Variants in KIAA1755 observed in about 807,000 individuals in gnomAD.
The protein encoded by KIAA1755 is KIAA1755.
Under a neutral mutation model 91.7 loss-of-function variants are expected in KIAA1755, and 68 were observed. That is an observed-to-expected ratio of 0.74 (90% CI 0.61 to 0.91). KIAA1755 has a LOEUF of 0.91. Among genes scored for constraint, KIAA1755 ranks in the 40% least tolerant of loss-of-function variants. KIAA1755 has a pLI of 0.00. For missense variants in KIAA1755, 1,535 were observed against 1,494.4 expected, an observed-to-expected ratio of 1.03 and a Z score of -0.45; for synonymous variants, 610 against 604.6, an observed-to-expected ratio of 1.01 and a Z score of -0.13.
At chr20:38,246,755 G>A (rs780261972) in intron 1 of KIAA1755, among the ~76,000 whole-genome samples, 3 of 152,002 alleles carry the variant, frequency 2.0e-5, no homozygotes, top group African/African-American at 4.8e-5. Context: ...GCCACCAACC[G>A]CCAACATATC....
chr20:38,256,908 C>T (rs528120710), intron 1 of KIAA1755, among the ~76,000 whole-genome samples: 4 of 152,214 alleles, frequency 2.6e-5, no homozygotes, highest in Non-Finnish European at 4.4e-5. Context: ...AATTGTTCAT[C>T]TAAGTGCCAT....
Position 38,213,627 on chromosome 20 carries a change from T to C in KIAA1755, c.3018A>G (p.Ala1006=), listed in dbSNP as rs765492810. The change falls in exon 14 of 14, where the codon GCA becomes GCG. Residue 1006 remains alanine, a synonymous_variant. Coordinates refer to ENST00000279024, the MANE Select transcript of KIAA1755 (RefSeq NM_001029864.2). ...RRLHRYLQRL[A]SEFPAEKLAA... ...CGAGCTTCTCAGCAGGGAACTCAGA[T>C]GCCAGTCGCTGCAGGTAGCGGTGGA... 6.2e-7 allele frequency: 1 copy of C among 1,611,262 alleles called. No homozygotes were observed. The highest frequency in any genetic ancestry group is 1.1e-5 in the South Asian group (1 of 90,830).
chr20:38,234,914 A>T (rs2075931969), intron 4 of KIAA1755, among the ~76,000 whole-genome samples: 1 of 152,152 alleles, frequency 6.6e-6, no homozygotes, highest in African/African-American at 2.4e-5. Flanking sequence ...AGCATCTCAG[A>T]ACCGTGGCTT....
intron 1 of KIAA1755, among the ~76,000 whole-genome samples, chr20:38,256,963 GA>G (rs1263668250): frequency 1.3e-5 from 2 of 152,120 alleles, no homozygotes; most frequent in Non-Finnish European, 2.9e-5. Context: ...CCACATCTTG[GA>G]AAGTGCTGCC....
chr20:38,246,031 G>A lies in KIAA1755; in HGVS notation c.99C>T (p.Phe33=), dbSNP rs2076153363. ...ATAPTVLGQV[F]RLLDSGFQGD... is the part of the protein sequence containing the mutation. ...CCTGGAAGCCAGAGTCCAGGAGACG[G>A]AACACCTGACCCAGGACGGTGGGTG... Residue 33 remains phenylalanine, a synonymous_variant, in exon 2 of 14, where the codon TTC becomes TTT. Transcript: ENST00000279024. 1 of 1,614,178 alleles carries A rather than the reference G, an allele frequency of 6.2e-7. No homozygotes were observed. Among genetic ancestry groups the A allele is most frequent in the South Asian group, 1.1e-5 (1 of 91,078 alleles).
At chr20:38,257,036 C>T (rs1031296634) in intron 1 of KIAA1755, among the ~76,000 whole-genome samples, 5 of 152,128 alleles carry the variant, frequency 3.3e-5, no homozygotes, top group Admixed American at 1.3e-4. Flanking sequence ...AACCTCCTGC[C>T]CACCCTTCAG....
intron 2 of KIAA1755, 127 bp downstream of exon 2, chr20:38,245,802 G>T: frequency 1.3e-6 from 1 of 798,186 alleles, no homozygotes; most frequent in South Asian, 1.7e-5. Context: ...TACTTGGAAA[G>T]TCCCCCCACA....
intron 4 of KIAA1755, among the ~76,000 whole-genome samples, chr20:38,232,670 A>G (rs2075889958): frequency 6.6e-6 from 1 of 151,770 alleles, no homozygotes; most frequent in South Asian, 2.1e-4. Flanking sequence ...AAATGTGTAT[A>G]CATATATATC....
rs181893709 is a variant in KIAA1755, at chr20:38,219,558, C to T, written c.2556+72G>A. The T allele has an allele frequency of 4.1e-4, 646 of 1,583,712 alleles. 5 individuals carry two copies. In the African/African-American group the frequency reaches 8.1e-3, roughly 20 times the overall value. ...ACAAAGCACCTGACTAGGGACGGGC[C>T]CAGAGTCGGGGCTTTCCTGTGGAAT... On this transcript the variant is annotated intron_variant, in intron 11 of 13. Coordinates refer to ENST00000279024, the MANE Select transcript of KIAA1755 (RefSeq NM_001029864.2).
Position 38,217,777 on chromosome 20 carries a change from A to T in KIAA1755, c.2680-303T>A. 3 of 518,182 alleles carry T rather than the reference A, an allele frequency of 5.8e-6. No homozygotes were observed. The South Asian group carries it at 7.5e-5, about 13-fold the overall frequency. The allele number at this position is 518,182 out of a possible 1,614,324, so 32.1% of individuals were successfully genotyped here. On this transcript the variant is annotated intron_variant, in intron 12 of 13. Transcript: ENST00000279024. ...TTCTGGAAAACTTCTCTGACTCCAA[A>T]GGCTCCTGCTCTGAGTCCCCACATT... is the stretch of plus-strand genomic sequence containing the variant.
chr20:38,216,886 A>C, intron 13 of KIAA1755: 2 of 495,548 alleles, frequency 4.0e-6, no homozygotes. Flanking sequence ...TGGTGAAGGG[A>C]TCTGTCGTCA....
In KIAA1755 at chr20:38,240,634, G is replaced by C; in HGVS notation, c.1497C>G (p.Val499=). ...ASLQHNGPWK[V]LCSLYSPKPN... ...GTTTAGGAGAGTAGAGGGAACACAG[G>C]ACTTTCCAGGGCCCATTGTGCTGGA... The change falls in exon 3 of 14, where the codon GTC becomes GTG. Residue 499 remains valine (V), a synonymous_variant. Transcript: ENST00000279024. 1 of 1,517,310 alleles carries C rather than the reference G, an allele frequency of 6.6e-7. No homozygotes were observed. Among genetic ancestry groups the C allele is most frequent in the Non-Finnish European group, 8.8e-7 (1 of 1,134,208 alleles). 94.0% of individuals were successfully genotyped at this position (1,517,310 alleles called of 1,614,324 possible).
At chr20:38,244,284 G>C (rs1013899778) in intron 2 of KIAA1755, among the ~76,000 whole-genome samples, 1 of 152,190 alleles carries the variant, frequency 6.6e-6, no homozygotes, top group Non-Finnish European at 1.5e-5. Flanking sequence ...GGCTGCAAAT[G>C]CTTCCATGAG....
At chr20:38,222,682 C>A in intron 9 of KIAA1755, 85 bp from the exon 10 acceptor site, 1 of 1,435,094 alleles carries the variant, frequency 7.0e-7, no homozygotes, top group Non-Finnish European at 9.5e-7. Flanking sequence ...AGATCAAGTC[C>A]AACTCCCAGT....
Position 38,241,435 on chromosome 20 carries a change from ACTC to A in KIAA1755, c.693_695del (p.Gln231_Ser232delinsHis), listed in dbSNP as rs2076062263. On this transcript the variant is annotated inframe_deletion, in exon 3 of 14. Transcript: ENST00000279024. ...ATGTCCTGCCCTTACCCTTGGCCAAACTCTGGGCAGGAAGCACCTGGTTGTCTG... is the reference window on the plus strand; with the variant it reads ...ATGTCCTGCCCTTACCCTTGGCCAAATGGGCAGGAAGCACCTGGTTGTCTG... 7 of 1,613,988 alleles carry A rather than the reference ACTC, an allele frequency of 4.3e-6. No homozygotes were observed. The East Asian group carries it at 8.9e-5, about 21-fold the overall frequency.
chr20:38,247,592 G>A (rs1307038239), intron 1 of KIAA1755, among the ~76,000 whole-genome samples: 2 of 152,236 alleles, frequency 1.3e-5, no homozygotes, highest in Admixed American at 6.5e-5. Context: ...GTAATGGGTA[G>A]AATGACCTCC....
chr20:38,234,423 C>T (rs963598385), intron 4 of KIAA1755, among the ~76,000 whole-genome samples: 1 of 152,196 alleles, frequency 6.6e-6, no homozygotes, highest in Admixed American at 6.5e-5. Flanking sequence ...AGACTGAGAG[C>T]CCTTACGGGT....
chr20:38,217,405 C>T lies in KIAA1755; in HGVS notation c.2749G>A (p.Gly917Arg), dbSNP rs2075567802. 1.9e-6 allele frequency: 3 copies of T among 1,613,234 alleles called. No individual in the cohort carries two copies. Among genetic ancestry groups the T allele is most frequent in the African/African-American group, 1.3e-5 (1 of 74,928 alleles). The change falls in exon 13 of 14, where the codon GGG becomes AGG. Residue 917 changes from glycine to arginine, a missense_variant. Gly to Arg is a moderately radical substitution (Grantham distance 125). Coordinates refer to ENST00000279024, the MANE Select transcript of KIAA1755 (RefSeq NM_001029864.2). ...AQLGATARGAGEAERAEFPEL... is the reference protein window; with the variant it reads ...AQLGATARGAREAERAEFPEL... ...GGGAACTCTGCACGTTCTGCCTCCC[C>T]AGCCCCTCTGGCTGTAGCTCCCAGC...
chr20:38,234,356 A>C (rs1328532830), intron 4 of KIAA1755, among the ~76,000 whole-genome samples: 1 of 152,092 alleles, frequency 6.6e-6, no homozygotes, highest in Non-Finnish European at 1.5e-5. Context: ...CCTCTTTAGA[A>C]GCTCTTCCCC....
Sources: gnomAD v4.1 joint callset for allele counts (sites outside exome capture counted in the v4.1 genomes callset) on GRCh38, gnomAD v4.1.1 for gene constraint, MANE v1.5 for transcripts, NCBI Gene and HGNC (gene_info 2026-07-23, HGNC 2026-07-21) for gene names.